Variants in ALDH1A2 observed in about 807,000 individuals in gnomAD.
ALDH1A2 encodes the protein retinal dehydrogenase 2.
In ALDH1A2, 27 loss-of-function variants were observed where a neutral mutation model predicts 60.3. The ratio of observed to expected loss-of-function variants is 0.45; its 90% CI spans 0.33 to 0.62. The LOEUF (loss-of-function observed/expected upper bound fraction) is 0.62, where lower values mean the gene tolerates loss of function less well. ALDH1A2 is among the 20% of genes least tolerant of loss of function. The pLI, the probability that ALDH1A2 is intolerant of heterozygous loss-of-function variation, is 0.02. For missense variants in ALDH1A2, 581 were observed against 643.8 expected (o/e 0.90, Z 1.06); for synonymous variants, 289 against 232.4 (o/e 1.24, Z -2.21).
At chr15:57,957,166 A>G (rs1440536034) in intron 12 of ALDH1A2, among the ~76,000 whole-genome samples, 2 of 152,212 alleles carry the variant, frequency 1.3e-5, no homozygotes, top group Non-Finnish European at 2.9e-5. Context: ...AGCTGGGGTC[A>G]GAGACAGGAG....
At chr15:58,005,497 AG>A (rs1411563605) in intron 4 of ALDH1A2, among the ~76,000 whole-genome samples, 1 of 152,024 alleles carries the variant, frequency 6.6e-6, no homozygotes, top group Non-Finnish European at 1.5e-5. Context: ...AAGAGATCAA[AG>A]TTGATGCCAC....
intron 1 of ALDH1A2, among the ~76,000 whole-genome samples, chr15:58,033,507 T>C (rs754158447): frequency 6.6e-6 from 1 of 151,844 alleles, no homozygotes; most frequent in East Asian, 1.9e-4. Flanking sequence ...TTAAAATTAA[T>C]CAATATCTTA....
chr15:58,039,080 T>G (rs1348640581), intron 1 of ALDH1A2, among the ~76,000 whole-genome samples: 1 of 151,802 alleles, frequency 6.6e-6, no homozygotes, highest in Admixed American at 6.6e-5. Flanking sequence ...TTTGCATTCA[T>G]GGGGCTCTTA....
At chr15:57,980,411 A>G (rs1020185989) in intron 7 of ALDH1A2, 9 of 366,960 alleles carry the variant, frequency 2.5e-5, no homozygotes, top group Non-Finnish European at 4.4e-5. Flanking sequence ...CCACTTCTGC[A>G]TGGAGTGGTT....
intron 3 of ALDH1A2, among the ~76,000 whole-genome samples, 171 bp from the exon 4 acceptor site, chr15:58,010,949 C>A (rs1286772904): frequency 3.3e-5 from 5 of 152,182 alleles, no homozygotes; most frequent in Admixed American, 3.3e-4. Context: ...CCAGTTTGGT[C>A]TAGTTCCTAG....
intron 12 of ALDH1A2, among the ~76,000 whole-genome samples, chr15:57,958,214 G>GCACACAAACACACACACACA (rs1893601465): frequency 1.3e-5 from 2 of 151,700 alleles, no homozygotes; most frequent in South Asian, 4.2e-4. Flanking sequence ...GTACACGCAC[G>GCACACAAACACACACACACA]CACACACACA....
chr15:57,956,427 A>T (rs1375101166), intron 12 of ALDH1A2, among the ~76,000 whole-genome samples: 1 of 152,208 alleles, frequency 6.6e-6, no homozygotes, highest in Non-Finnish European at 1.5e-5. Flanking sequence ...GCTGTAAATG[A>T]TTCATTCAGG....
intron 7 of ALDH1A2, among the ~76,000 whole-genome samples, chr15:57,967,731 C>G (rs1355186964): frequency 4.6e-5 from 7 of 152,178 alleles, no homozygotes; most frequent in African/African-American, 1.7e-4. Context: ...TTGGAAAATG[C>G]TAACACCTGG....
intron 12 of ALDH1A2, among the ~76,000 whole-genome samples, chr15:57,958,293 G>A (rs181570140): frequency 1.4e-3 from 216 of 152,320 alleles, no homozygotes; most frequent in African/African-American, 5.0e-3. Flanking sequence ...AGTGTCCTGA[G>A]TTTTTAAAAT....
intron 1 of ALDH1A2, among the ~76,000 whole-genome samples, chr15:58,023,814 G>C (rs1281530518): frequency 6.6e-6 from 1 of 152,152 alleles, no homozygotes; most frequent in Non-Finnish European, 1.5e-5. Context: ...AAATAGGGCT[G>C]GGCAGGGTGG....
rs112947367 is a variant in ALDH1A2, at chr15:58,022,627, C to T, written c.118-8346G>A. ...ACAAAGACAGGCACACTCAACCCAC[C>T]ACTGCAACCACTAGGGCCTAAAGAC... On this transcript the variant is annotated intron_variant, in intron 1 of 12. Coordinates refer to ENST00000249750, the MANE Select transcript of ALDH1A2 (RefSeq NM_003888.4). Among the ~76,000 whole-genome samples the T allele has an allele frequency of 5.9e-5, 9 of 152,262 alleles. 1 individual carries two copies. The highest frequency in any genetic ancestry group is 2.2e-4 in the African/African-American group (9 of 41,548).
At chr15:57,994,022 T>C (rs1484912129) in intron 5 of ALDH1A2, among the ~76,000 whole-genome samples, 1 of 152,164 alleles carries the variant, frequency 6.6e-6, no homozygotes, top group East Asian at 1.9e-4. Flanking sequence ...CCATCTACAG[T>C]GTATAAATCT....
At chr15:57,966,006 T>C (rs891982158) in intron 7 of ALDH1A2, among the ~76,000 whole-genome samples, 179 bp from the exon 8 acceptor site, 2 of 152,164 alleles carry the variant, frequency 1.3e-5, no homozygotes, top group African/African-American at 4.8e-5. Context: ...CAGTTTAATG[T>C]CCATGCTGGA....
intron 1 of ALDH1A2, among the ~76,000 whole-genome samples, chr15:58,046,156 A>G (rs1166898283): frequency 6.6e-6 from 1 of 152,052 alleles, no homozygotes. Flanking sequence ...AAAGGAATAG[A>G]TATCTCACGG....
chr15:57,981,327 C>CACACACACACAG (rs1333117134), intron 7 of ALDH1A2, among the ~76,000 whole-genome samples: 172 of 144,316 alleles, frequency 1.2e-3, no homozygotes, highest in African/African-American at 4.8e-3. Context: ...CACACACACA[C>CACACACACACAG]AGACACACAC....
chr15:58,011,714 A>G (rs958277304), intron 3 of ALDH1A2, among the ~76,000 whole-genome samples: 3 of 152,226 alleles, frequency 2.0e-5, no homozygotes, highest in Non-Finnish European at 4.4e-5. Context: ...TCTACTTAGT[A>G]TGTGTATAAA....
At chr15:58,010,556 G>A (rs1895599487) in intron 4 of ALDH1A2, 93 bp downstream of exon 4, 5 of 1,533,176 alleles carry the variant, frequency 3.3e-6, no homozygotes, top group Non-Finnish European at 4.5e-6. Flanking sequence ...GCTCATATCT[G>A]TATTCTGTGT....
rs1893450114 is a variant in ALDH1A2 at position 57,954,477 on chromosome 15, C to G, written c.*720G>C. The G allele has an allele frequency of 6.5e-6, 1 of 153,554 alleles. No individual in the cohort carries two copies. The highest frequency in any genetic ancestry group is 2.1e-4 in the South Asian group (1 of 4,860). The allele number at this position is 153,554 out of a possible 1,614,324, so 9.5% of individuals were successfully genotyped here. The stretch of plus-strand genomic sequence containing the variant: ...ACACACACCCCAAAACTGCAGCAAG[C>G]TCAGAAGCGGTGAACTGCACATGAT... On this transcript the variant is annotated 3_prime_UTR_variant, in exon 13 of 13. Coordinates refer to ENST00000249750, the MANE Select transcript of ALDH1A2 (RefSeq NM_003888.4).
intron 1 of ALDH1A2, among the ~76,000 whole-genome samples, chr15:58,021,332 C>T (rs576384095): frequency 2.0e-5 from 3 of 152,088 alleles, no homozygotes; most frequent in Admixed American, 6.5e-5. Context: ...AAGAGAACAC[C>T]GGAATTCAAC....
Sources: gnomAD v4.1 joint callset for allele counts (sites outside exome capture counted in the v4.1 genomes callset) on GRCh38, gnomAD v4.1.1 for gene constraint, MANE v1.5 for transcripts, NCBI Gene and HGNC (gene_info 2026-07-23, HGNC 2026-07-21) for gene names.